The following TBC1D15 variants were observed in gnomAD, a reference collection of about 807,000 sequenced individuals.
The protein encoded by TBC1D15 is TBC1 domain family member 15, also known as GAP for RAB7.
Under a neutral mutation model 95.4 loss-of-function variants are expected in TBC1D15, and 39 were observed. The observed-to-expected ratio is 0.41, with a 90% CI of 0.32 to 0.53. The LOEUF (loss-of-function observed/expected upper bound fraction) is 0.53, where lower values mean the gene tolerates loss of function less well. TBC1D15 is among the 20% of genes least tolerant of loss of function. The pLI is 0.29. For synonymous variants in TBC1D15, 258 were observed against 261.3 expected, an observed-to-expected ratio of 0.99 and a Z score of 0.12; for missense variants, 733 against 794.3, an observed-to-expected ratio of 0.92 and a Z score of 0.93.
intron 5 of TBC1D15, among the ~76,000 whole-genome samples, chr12:71,889,418 C>T (rs1355382551): frequency 6.6e-6 from 1 of 152,194 alleles, no homozygotes; most frequent in Non-Finnish European, 1.5e-5. Flanking sequence ...CCCCTCCATA[C>T]TCTAGGCTGA....
At chr12:71,871,317 T>C (rs764210389) in intron 1 of TBC1D15, among the ~76,000 whole-genome samples, 58 of 152,312 alleles carry the variant, frequency 3.8e-4, no homozygotes, top group Non-Finnish European at 6.9e-4. Context: ...TAGTGAGTCA[T>C]TTCTAGGAGT....
chr12:71,898,015 AG>A, intron 10 of TBC1D15, 74 bp downstream of exon 10: 1 of 1,113,358 alleles, frequency 9.0e-7, no homozygotes, highest in Non-Finnish European at 1.4e-6. Context: ...AAAGAAGTGA[AG>A]ATACATGGTA....
In TBC1D15 at chr12:71,908,932, A is replaced by G. The variant is rs11178980; in HGVS notation, c.1300+1794A>G. On this transcript the variant is annotated intron_variant, in intron 11 of 16. Coordinates refer to ENST00000485960, the MANE Select transcript of TBC1D15 (RefSeq NM_001146213.3). ...TTACCTCTACACCTTCAGCGCTTCA[A>G]ACTCTTGCCATTTATTTTAGTTTCT... 7.5e-3 allele frequency among the ~76,000 whole-genome samples: 1,144 copies of G among 152,242 alleles called. 10 individuals carry two copies. Among genetic ancestry groups the G allele is most frequent in the Non-Finnish European group, 0.01 (691 of 68,000 alleles).
At chr12:71,872,533 A>G (rs1892911872) in intron 2 of TBC1D15, among the ~76,000 whole-genome samples, 1 of 152,314 alleles carries the variant, frequency 6.6e-6, no homozygotes, top group African/African-American at 2.4e-5. Flanking sequence ...TGATTATCTC[A>G]TGTAATGAAT....
At chr12:71,880,776 AT>A (rs1391649541) in intron 4 of TBC1D15, among the ~76,000 whole-genome samples, 169 bp downstream of exon 4, 1 of 134,264 alleles carries the variant, frequency 7.4e-6, no homozygotes, top group African/African-American at 3.4e-5. Flanking sequence ...TCTCTGTTTT[AT>A]TGGTTGTGGC....
chr12:71,879,181 G>A (rs1894622033), intron 3 of TBC1D15, among the ~76,000 whole-genome samples: 1 of 150,640 alleles, frequency 6.6e-6, no homozygotes, highest in African/African-American at 2.4e-5. Flanking sequence ...CACCTAGGCT[G>A]GAGTGCAATG....
Position 71,897,977 on chromosome 12 carries a change from G to T in TBC1D15, c.1183+36G>T, listed in dbSNP as rs747988408. The stretch of plus-strand genomic sequence containing the variant: ...CTTAACAACTTTGGAAATGCAAGGG[G>T]GGATTACATTGAAATCTTGATAAGA... On this transcript the variant is annotated intron_variant, in intron 10 of 16. Transcript: ENST00000485960. The T allele has an allele frequency of 2.1e-6, 3 of 1,453,288 alleles. No homozygotes were observed. The East Asian group carries it at 6.8e-5, about 33-fold the overall frequency. 90.0% of individuals were successfully genotyped at this position (1,453,288 alleles called of 1,614,324 possible). A position where few individuals can be genotyped will look rare whatever the true frequency, so the allele number is the denominator to read the frequency against.
At chr12:71,899,366 C>T (rs764899125) in intron 10 of TBC1D15, among the ~76,000 whole-genome samples, 2 of 152,172 alleles carry the variant, frequency 1.3e-5, no homozygotes, top group African/African-American at 2.4e-5. Flanking sequence ...CTTAAGCCAT[C>T]TATCTCGTTA....
intron 7 of TBC1D15, 41 bp downstream of exon 7, chr12:71,894,924 C>G (rs201629256): frequency 1.6e-4 from 245 of 1,558,900 alleles, no homozygotes; most frequent in Middle Eastern, 6.8e-4. Context: ...TATATTTTAA[C>G]AGGAGAACAT....
chr12:71,881,454 C>T (rs1249134976), intron 4 of TBC1D15, among the ~76,000 whole-genome samples: 1 of 152,022 alleles, frequency 6.6e-6, no homozygotes, highest in East Asian at 1.9e-4. Flanking sequence ...AAATACTACC[C>T]AAAATCAGAC....
chr12:71,920,724 T>C lies in TBC1D15; in HGVS notation c.1600-7T>C. ...AATTTGCAAAATAGTTCTTCTGCCT[T>C]CTATAGGTAATGTGGACCGAACTAC... On this transcript the variant is annotated splice_region_variant and splice_polypyrimidine_tract_variant and intron_variant, in intron 14 of 16. Transcript: ENST00000485960. The C allele has an allele frequency of 6.2e-7, 1 of 1,602,584 alleles. No individual in the cohort carries two copies. The highest frequency in any genetic ancestry group is 8.5e-7 in the Non-Finnish European group (1 of 1,170,974).
intron 10 of TBC1D15, among the ~76,000 whole-genome samples, chr12:71,902,314 C>G (rs895973140): frequency 6.6e-6 from 1 of 152,148 alleles, no homozygotes; most frequent in African/African-American, 2.4e-5. Flanking sequence ...GTCATACTAC[C>G]TGACTTCAAA....
intron 1 of TBC1D15, among the ~76,000 whole-genome samples, chr12:71,848,129 ATAAAT>A (rs996452901): frequency 5.9e-5 from 9 of 152,196 alleles, no homozygotes; most frequent in African/African-American, 2.2e-4. Flanking sequence ...AATAAATAAA[ATAAAT>A]TAAAGCTGCT....
intron 4 of TBC1D15, among the ~76,000 whole-genome samples, chr12:71,881,411 A>G (rs1362154880): frequency 1.3e-5 from 2 of 152,216 alleles, no homozygotes; most frequent in East Asian, 3.8e-4. Flanking sequence ...TTGGCTGCAC[A>G]TTGAAATCAC....
At chr12:71,862,570 G>T (rs1360012662) in intron 1 of TBC1D15, among the ~76,000 whole-genome samples, 1 of 152,110 alleles carries the variant, frequency 6.6e-6, no homozygotes, top group South Asian at 2.1e-4. Context: ...GCATATAGTT[G>T]GGTCATTTAA....
intron 5 of TBC1D15, among the ~76,000 whole-genome samples, chr12:71,892,718 T>C (rs1897404022): frequency 6.6e-6 from 1 of 151,764 alleles, no homozygotes; most frequent in Non-Finnish European, 1.5e-5. Context: ...AAATAACTAA[T>C]ATAGCTTACA....
chr12:71,864,487 GT>G (rs1012280064), intron 1 of TBC1D15, among the ~76,000 whole-genome samples: 4,572 of 142,534 alleles, frequency 0.032, 206 homozygotes, highest in African/African-American at 0.1. Flanking sequence ...GCAGTTGAGT[GT>G]TTTTTTTTTT....
chr12:71,915,964 T>C (rs1035078206), intron 12 of TBC1D15, among the ~76,000 whole-genome samples: 1 of 152,148 alleles, frequency 6.6e-6, no homozygotes, highest in Non-Finnish European at 1.5e-5. Flanking sequence ...TCATGTAAGT[T>C]TGTACTACCT....
At chr12:71,852,304 A>C (rs1001206860) in intron 1 of TBC1D15, among the ~76,000 whole-genome samples, 1 of 152,230 alleles carries the variant, frequency 6.6e-6, no homozygotes, top group Admixed American at 6.5e-5. Context: ...GGCCTGGCCA[A>C]GGAAACCATT....
Sources: gnomAD v4.1 joint callset for allele counts (sites outside exome capture counted in the v4.1 genomes callset) on GRCh38, gnomAD v4.1.1 for gene constraint, MANE v1.5 for transcripts, NCBI Gene and HGNC (gene_info 2026-07-23, HGNC 2026-07-21) for gene names.